Variants in SLC2A14 observed in about 807,000 individuals in gnomAD.
SLC2A14 encodes solute carrier family 2 member 14.
A neutral mutation model predicts 43.0 loss-of-function variants in SLC2A14; 13 were observed. That is an observed-to-expected ratio of 0.30 (90% CI 0.20 to 0.48). The LOEUF (loss-of-function observed/expected upper bound fraction) is 0.48. Among genes scored for constraint, SLC2A14 ranks in the 20% least tolerant of loss-of-function variants. The pLI is 0.99. For synonymous variants in SLC2A14, 190 were observed against 233.8 expected (o/e 0.81, Z 1.71); for missense variants, 428 against 620.4 (o/e 0.69, Z 3.29).
At chr12:7,879,507 C>T (rs1215793771) in intron 1 of SLC2A14, among the ~76,000 whole-genome samples, 5 of 151,834 alleles carry the variant, frequency 3.3e-5, no homozygotes, top group Non-Finnish European at 7.4e-5. Context: ...CATAGGGAAA[C>T]TACATCTCTA....
At chr12:7,846,535 T>G (rs1866479446) in intron 2 of SLC2A14, among the ~76,000 whole-genome samples, 1 of 152,114 alleles carries the variant, frequency 6.6e-6, no homozygotes, top group Non-Finnish European at 1.5e-5. Context: ...CCAAGTGTAT[T>G]TCATGTATCA....
At chr12:7,834,999 A>G (rs1865326633) in intron 2 of SLC2A14, among the ~76,000 whole-genome samples, 1 of 152,056 alleles carries the variant, frequency 6.6e-6, no homozygotes, top group Admixed American at 6.6e-5. Context: ...GTGATGAGGC[A>G]TGAGGGATTA....
intron 1 of SLC2A14, among the ~76,000 whole-genome samples, chr12:7,890,583 G>A (rs1419307583): frequency 6.6e-6 from 1 of 152,052 alleles, no homozygotes; most frequent in Middle Eastern, 3.2e-3. Flanking sequence ...TGCCAGCCTA[G>A]TCCAACAAAT....
intron 7 of SLC2A14, among the ~76,000 whole-genome samples, chr12:7,823,512 T>C (rs1308220811): frequency 6.6e-6 from 1 of 152,002 alleles, no homozygotes; most frequent in Non-Finnish European, 1.5e-5. Flanking sequence ...CACCTTAGGT[T>C]GGAGTTCAAG....
chr12:7,826,992 CTT>C (rs397955832), intron 7 of SLC2A14, among the ~76,000 whole-genome samples: 21 of 136,174 alleles, frequency 1.5e-4, no homozygotes, highest in Non-Finnish European at 2.5e-4. Context: ...TCCTTTCTCT[CTT>C]TCTCTCCTTT....
intron 2 of SLC2A14, among the ~76,000 whole-genome samples, chr12:7,862,599 C>G (rs891259074): frequency 6.6e-6 from 1 of 152,148 alleles, no homozygotes; most frequent in East Asian, 1.9e-4. Flanking sequence ...GCAGGCAGCT[C>G]CACCTGCAGC....
intron 2 of SLC2A14, among the ~76,000 whole-genome samples, chr12:7,858,729 C>T (rs932903412): frequency 3.9e-5 from 6 of 152,028 alleles, no homozygotes; most frequent in African/African-American, 1.2e-4. Flanking sequence ...AAACTCCCAA[C>T]CTCAGGTGAT....
At chr12:7,815,184 GT>G (rs1863324951) in intron 10 of SLC2A14, among the ~76,000 whole-genome samples, 1 of 151,852 alleles carries the variant, frequency 6.6e-6, no homozygotes, top group African/African-American at 2.4e-5. Flanking sequence ...GCTGAGGCAG[GT>G]GGATCCCTTG....
intron 2 of SLC2A14, among the ~76,000 whole-genome samples, chr12:7,834,911 C>T (rs796692812): frequency 6.6e-6 from 1 of 152,026 alleles, no homozygotes; most frequent in Non-Finnish European, 1.5e-5. Context: ...TGTTGATGTG[C>T]TTCGAGAGAC....
chr12:7,834,090 C>T (rs1460620648), intron 2 of SLC2A14, among the ~76,000 whole-genome samples: 1 of 152,138 alleles, frequency 6.6e-6, no homozygotes, highest in African/African-American at 2.4e-5. Flanking sequence ...GCATCGATAC[C>T]CTGGAGGGCC....
chr12:7,886,146 G>A (rs1945684438), intron 1 of SLC2A14, among the ~76,000 whole-genome samples: 1 of 94,904 alleles, frequency 1.1e-5, no homozygotes, highest in African/African-American at 3.4e-5. Flanking sequence ...ACCACGCCCG[G>A]ACAGCTTTTT....
intron 1 of SLC2A14, among the ~76,000 whole-genome samples, chr12:7,882,411 C>A (rs55681724): frequency 2.6e-5 from 4 of 152,064 alleles, no homozygotes; most frequent in Non-Finnish European, 5.9e-5. Flanking sequence ...TAACACTAAC[C>A]GCGAGGGTCC....
In SLC2A14 at chr12:7,813,867, C is replaced by T. The variant is rs1041079841; in HGVS notation, c.*449G>A. ...AAATAAAACTCAAGTTAATTTGCCG[C>T]GTAGAGCTGTATGGAAGTGAGGAAG... On this transcript the variant is annotated 3_prime_UTR_variant, in exon 11 of 11. Transcript: ENST00000431042. The T allele has an allele frequency of 6.4e-5, 11 of 170,858 alleles. No individual in the cohort carries two copies. Among genetic ancestry groups the T allele is most frequent in the Non-Finnish European group, 1.0e-4 (8 of 78,002 alleles). 10.6% of individuals were successfully genotyped at this position (170,858 alleles called of 1,614,324 possible). A position where few individuals can be genotyped will look rare whatever the true frequency, so the allele number is the denominator to read the frequency against.
At chr12:7,824,428 T>A (rs770553086) in intron 7 of SLC2A14, among the ~76,000 whole-genome samples, 4 of 152,040 alleles carry the variant, frequency 2.6e-5, no homozygotes, top group African/African-American at 9.6e-5. Context: ...AATGTACATG[T>A]ACACATCTCA....
chr12:7,859,470 G>A (rs1458143435), intron 2 of SLC2A14, among the ~76,000 whole-genome samples: 4 of 152,094 alleles, frequency 2.6e-5, no homozygotes, highest in African/African-American at 9.7e-5. Context: ...TACAGGTTTT[G>A]CAAGGAGCCC....
At chr12:7,831,801 T>C (rs372660907) in intron 3 of SLC2A14, 37 bp from the exon 4 acceptor site, 6 of 1,610,462 alleles carry the variant, frequency 3.7e-6, no homozygotes, top group Non-Finnish European at 3.4e-6. Flanking sequence ...ACTATTACAG[T>C]TGGATGAGAA....
chr12:7,832,709 G>A lies in SLC2A14; in HGVS notation c.111+13C>T. ...CCTATTCCAGATTCTAATTCTTGTG[G>A]CCTGGCACTCACCGTCTCAGGAGCA... On this transcript the variant is annotated intron_variant, in intron 3 of 10. Transcript: ENST00000431042. 1 of 1,611,878 alleles carries A rather than the reference G, an allele frequency of 6.2e-7. No individual in the cohort carries two copies. The highest frequency in any genetic ancestry group is 1.1e-5 in the South Asian group (1 of 91,002).
intron 2 of SLC2A14, among the ~76,000 whole-genome samples, chr12:7,861,961 CA>C (rs398018322): frequency 2.4e-4 from 32 of 132,198 alleles, no homozygotes; most frequent in African/African-American, 4.2e-4. Flanking sequence ...GACTCCATTT[CA>C]AAAAAAAAAA....
chr12:7,877,626 C>T (rs143270818), upstream of SLC2A14, among the ~76,000 whole-genome samples: 330 of 149,144 alleles, frequency 2.2e-3, 5 homozygotes, highest in Non-Finnish European at 2.5e-3. Context: ...GAGTTCACCA[C>T]GTTGGCCAGT....
Sources: gnomAD v4.1 joint callset for allele counts (sites outside exome capture counted in the v4.1 genomes callset) on GRCh38, gnomAD v4.1.1 for gene constraint, MANE v1.5 for transcripts, NCBI Gene and HGNC (gene_info 2026-07-23, HGNC 2026-07-21) for gene names.